Variants in IGF1R observed in about 807,000 individuals in gnomAD.
The protein encoded by IGF1R is insulin-like growth factor 1 receptor.
Under a neutral mutation model 144.6 loss-of-function variants are expected in IGF1R, and 44 were observed. That is an observed-to-expected ratio of 0.30 (90% CI 0.24 to 0.39). The LOEUF (loss-of-function observed/expected upper bound fraction) is 0.39, where lower values mean the gene tolerates loss of function less well. IGF1R is among the 10% of genes least tolerant of loss of function. IGF1R has a pLI of 1.00. For missense variants in IGF1R, 1,355 were observed against 1,833.7 expected (o/e 0.74, Z 4.77); for synonymous variants, 795 against 722.8 (o/e 1.10, Z -1.60).
chr15:98,960,415 TCCCTGGCTGG>T lies in IGF1R; in HGVS notation c.*2974_*2983del, dbSNP rs2017177166. ...CACACCTGGGGGAGCCACCAGGCTG[TCCCTGGCTGG>T]TTGTCTTTGGAACAAACTGCTTCTG... On this transcript the variant is annotated 3_prime_UTR_variant, in exon 21 of 21. Transcript: ENST00000650285. The T allele has an allele frequency of 4.3e-6, 1 of 233,340 alleles. No individual in the cohort carries two copies. 14.5% of individuals were successfully genotyped at this position (233,340 alleles called of 1,614,324 possible).
intron 2 of IGF1R, among the ~76,000 whole-genome samples, chr15:98,830,304 A>G (rs1017116671): frequency 6.6e-6 from 1 of 152,188 alleles, no homozygotes; most frequent in Non-Finnish European, 1.5e-5. Context: ...TGTCTGGACC[A>G]TCCTTTTCCC....
chr15:98,905,333 G>A (rs557198395), intron 5 of IGF1R, among the ~76,000 whole-genome samples: 2 of 152,062 alleles, frequency 1.3e-5, no homozygotes, highest in South Asian at 2.1e-4. Context: ...ATAAAATCTG[G>A]ATATCATAGA....
At chr15:98,939,427 T>A in intron 18 of IGF1R, 67 bp downstream of exon 18, 9 of 1,505,024 alleles carry the variant, frequency 6.0e-6, no homozygotes, top group Non-Finnish European at 8.3e-6. Flanking sequence ...TTTGTTGGCA[T>A]TAGTCTGCCC....
chr15:98,935,238 A>G lies in IGF1R; in HGVS notation c.3187-78A>G. 1 of 1,066,542 alleles carries G rather than the reference A, an allele frequency of 9.4e-7. No homozygotes were observed. The highest frequency in any genetic ancestry group is 1.4e-6 in the Non-Finnish European group (1 of 706,364). 66.1% of individuals were successfully genotyped at this position (1,066,542 alleles called of 1,614,324 possible). A position where few individuals can be genotyped will look rare whatever the true frequency, so the allele number is the denominator to read the frequency against. On this transcript the variant is annotated intron_variant, in intron 16 of 20. Coordinates refer to ENST00000650285, the MANE Select transcript of IGF1R (RefSeq NM_000875.5). This position sits in a 1 kb window ranked among gnomAD's most constrained non-coding sequence, Gnocchi z 4.2. ...TGCTCAGACCAGGCCGCAGCACCAC[A>G]GAGACAGTTCCAGACAACACAGGCA... is the stretch of plus-strand genomic sequence containing the variant.
intron 2 of IGF1R, among the ~76,000 whole-genome samples, chr15:98,833,425 A>T (rs1349717240): frequency 4.6e-5 from 7 of 152,208 alleles, no homozygotes; most frequent in Non-Finnish European, 1.0e-4. Flanking sequence ...CCCCCGGAGC[A>T]CAGTATTTCC....
At chr15:98,650,165 C>G (rs1291972904) in intron 1 of IGF1R, among the ~76,000 whole-genome samples, 1 of 152,208 alleles carries the variant, frequency 6.6e-6, no homozygotes, top group Non-Finnish European at 1.5e-5. Context: ...CGGGCAGCCG[C>G]CCGGCCCGCG....
intron 1 of IGF1R, among the ~76,000 whole-genome samples, chr15:98,655,030 GGAA>G (rs1160089877): frequency 1.3e-5 from 2 of 152,124 alleles, no homozygotes; most frequent in Non-Finnish European, 2.9e-5. Context: ...TTGACATTTG[GGAA>G]GCATAACTGA....
chr15:98,846,490 A>G (rs934660527), intron 2 of IGF1R, among the ~76,000 whole-genome samples: 3 of 152,258 alleles, frequency 2.0e-5, no homozygotes, highest in Non-Finnish European at 4.4e-5. Context: ...ATTTAAGTAC[A>G]GGAAAAGTTA....
At chr15:98,795,368 G>A (rs1272125138) in intron 2 of IGF1R, among the ~76,000 whole-genome samples, 1 of 152,070 alleles carries the variant, frequency 6.6e-6, no homozygotes, top group Non-Finnish European at 1.5e-5. Context: ...ATACACAAAT[G>A]ATTAGATTAG....
At chr15:98,840,837 C>T (rs1456278336) in intron 2 of IGF1R, among the ~76,000 whole-genome samples, 4 of 152,092 alleles carry the variant, frequency 2.6e-5, no homozygotes, top group Non-Finnish European at 4.4e-5. Context: ...CGTGCCACCA[C>T]GCCTGGCTAA....
chr15:98,886,015 G>A (rs986226076), intron 2 of IGF1R, among the ~76,000 whole-genome samples: 2 of 151,928 alleles, frequency 1.3e-5, no homozygotes, highest in African/African-American at 4.8e-5. Flanking sequence ...ATGGGGTTTC[G>A]CCATGTTGGG....
intron 2 of IGF1R, among the ~76,000 whole-genome samples, chr15:98,811,810 C>G (rs1342549582): frequency 6.6e-6 from 1 of 152,046 alleles, no homozygotes; most frequent in Admixed American, 6.6e-5. Flanking sequence ...CCTGTAGTCC[C>G]AGCTACTCCG....
chr15:98,745,585 A>G (rs1368574600), intron 2 of IGF1R, among the ~76,000 whole-genome samples: 1 of 152,268 alleles, frequency 6.6e-6, no homozygotes, highest in Admixed American at 6.5e-5. Context: ...TGGTTTTGTT[A>G]TGATGTCCTG....
At chr15:98,709,995 A>G (rs1370933569) in intron 2 of IGF1R, among the ~76,000 whole-genome samples, 2 of 152,200 alleles carry the variant, frequency 1.3e-5, no homozygotes, top group Non-Finnish European at 2.9e-5. Flanking sequence ...GCGACTAGAA[A>G]TGAGCAAGTT....
At chr15:98,938,089 A>G (rs527528518) in intron 17 of IGF1R, among the ~76,000 whole-genome samples, 1 of 152,390 alleles carries the variant, frequency 6.6e-6, no homozygotes, top group African/African-American at 2.4e-5. Context: ...ACTAGCTTTC[A>G]GTAGAAACTA....
intron 2 of IGF1R, among the ~76,000 whole-genome samples, chr15:98,798,009 C>A (rs1162383260): frequency 6.6e-6 from 1 of 152,140 alleles, no homozygotes; most frequent in African/African-American, 2.4e-5. Flanking sequence ...GGTGGTAGGC[C>A]CCAGCGAGGG....
At chr15:98,895,146 G>A (rs1326562265) in intron 3 of IGF1R, among the ~76,000 whole-genome samples, 1 of 151,956 alleles carries the variant, frequency 6.6e-6, no homozygotes, top group Non-Finnish European at 1.5e-5. Flanking sequence ...GGAGAGCTTG[G>A]TGGTGACGGA....
At position 98,887,737 on chromosome 15, in the gene IGF1R, C is replaced by G. The variant is rs535027208; in HGVS notation, c.641-3588C>G. 2.0e-5 allele frequency among the ~76,000 whole-genome samples: 3 copies of G among 152,324 alleles called. No individual in the cohort carries two copies. In the East Asian group the frequency reaches 5.8e-4, roughly 29 times the overall value. On this transcript the variant is annotated intron_variant, in intron 2 of 20. Transcript: ENST00000650285. ...CCAGTTTTACTGAACCTCACAGATC[C>G]ATTATACGACGTGAATTTTGTGGGA... is the stretch of plus-strand genomic sequence containing the variant.
intron 2 of IGF1R, among the ~76,000 whole-genome samples, chr15:98,739,357 C>T (rs1027078133): frequency 6.6e-6 from 1 of 152,104 alleles, no homozygotes; most frequent in Admixed American, 6.5e-5. Flanking sequence ...CTTAGGCCTG[C>T]GTGCTGTGTT....
Sources: allele counts gnomAD v4.1 joint callset (sites outside exome capture counted in the v4.1 genomes callset), GRCh38; gene constraint gnomAD v4.1.1; non-coding constraint Gnocchi (gnomAD v3.1); transcripts MANE v1.5; gene names NCBI Gene and HGNC (gene_info 2026-07-23, HGNC 2026-07-21).